The following NID2 variants were observed in gnomAD, a reference collection of about 807,000 sequenced individuals.
The protein encoded by NID2 is nidogen-2.
In NID2, 83 loss-of-function variants were observed where a neutral mutation model predicts 145.4. The observed-to-expected ratio is 0.57, with a 90% CI of 0.48 to 0.69. NID2 has a LOEUF of 0.69. NID2 is among the 30% of genes least tolerant of loss of function. NID2 has a pLI of 0.00. For synonymous variants in NID2, 739 were observed against 701.3 expected (o/e 1.05, Z -0.85); for missense variants, 1,807 against 1,765.7 (o/e 1.02, Z -0.42).
At chr14:52,057,723 AAAAAG>A (rs1264947429) in intron 3 of NID2, among the ~76,000 whole-genome samples, 32 of 110,500 alleles carry the variant, frequency 2.9e-4, no homozygotes, top group African/African-American at 7.1e-4. Flanking sequence ...AAAAAAAAAA[AAAAAG>A]AAAAGAAAAA....
intron 10 of NID2, 150 bp from the exon 11 acceptor site, chr14:52,029,000 C>T: frequency 1.5e-6 from 1 of 652,686 alleles, no homozygotes; most frequent in South Asian, 2.8e-5. Flanking sequence ...GATATGAATG[C>T]ATGTTGCAGA....
Position 52,016,983 on chromosome 14 carries a change from G to A in NID2, c.3029-1708C>T, listed in dbSNP as rs554311265. Among the ~76,000 whole-genome samples, 19 of 152,332 alleles carry A rather than the reference G, an allele frequency of 1.2e-4. No individual in the cohort carries two copies. The South Asian group carries it at 3.5e-3, about 28-fold the overall frequency. ...TCACTGTAGCTCATGACCCATGGGA[G>A]ACAAAGCTCTTTTTAAGACCCCGTG... On this transcript the variant is annotated intron_variant, in intron 14 of 21. Transcript: ENST00000216286.
chr14:52,029,620 G>A lies in NID2; in HGVS notation c.2328C>T (p.Cys776=). 1 of 1,614,024 alleles carries A rather than the reference G, an allele frequency of 6.2e-7. No homozygotes were observed. Among genetic ancestry groups the A allele is most frequent in the Admixed American group, 1.7e-5 (1 of 60,024 alleles). The change falls in exon 10 of 22, where the codon TGC becomes TGT. Residue 776 remains cysteine, a synonymous_variant. Transcript: ENST00000216286. The part of the protein sequence containing the change: ...GSHMCDTTAR[C]HPGTGVDYTC... ...TGTAATCTACACCTGTCCCTGGATG[G>A]CACCGTGCTGTTGTGTCACACATGT...
intron 5 of NID2, among the ~76,000 whole-genome samples, chr14:52,052,736 C>A (rs1295566953): frequency 3.9e-5 from 6 of 152,182 alleles, no homozygotes; most frequent in African/African-American, 1.4e-4. Flanking sequence ...AGATTCAGAA[C>A]AAAGCAGTCA....
chr14:52,066,367 G>C (rs1440029462), intron 2 of NID2, among the ~76,000 whole-genome samples: 1 of 151,712 alleles, frequency 6.6e-6, no homozygotes, highest in Non-Finnish European at 1.5e-5. Flanking sequence ...CCATTTGATA[G>C]CACAACAGGG....
intron 13 of NID2, among the ~76,000 whole-genome samples, chr14:52,019,560 G>T (rs540346043): frequency 1.2e-4 from 19 of 152,254 alleles, no homozygotes; most frequent in African/African-American, 4.3e-4. Context: ...GGTGGCATCT[G>T]CCCAACATCC....
In NID2 at chr14:52,042,872, G is replaced by A. The variant is rs753969700; in HGVS notation, c.1489C>T (p.Arg497Trp). 2.2e-5 allele frequency: 35 copies of A among 1,614,138 alleles called. No individual in the cohort carries two copies. The highest frequency in any genetic ancestry group is 3.3e-4 in the Middle Eastern group (2 of 6,060). ...TCEHNHRQCSRHAFCTDYATG... is the reference protein window; with the variant it reads ...TCEHNHRQCSWHAFCTDYATG... The stretch of plus-strand genomic sequence containing the variant: ...GCATAGTCCGTGCAGAAGGCATGCC[G>A]GGAGCATTGTCTGTGGTTGTGTTCA... Residue 497 changes from arginine (R) to tryptophan (W), a missense_variant, in exon 6 of 22, where the codon CGG (arginine) becomes TGG (tryptophan). Coordinates refer to ENST00000216286, the MANE Select transcript of NID2 (RefSeq NM_007361.4).
chr14:52,061,390 A>C (rs141141032), intron 2 of NID2, among the ~76,000 whole-genome samples: 242 of 152,310 alleles, frequency 1.6e-3, no homozygotes, highest in African/African-American at 5.5e-3. Flanking sequence ...ACACTAATTC[A>C]AACAGCCAAG....
At chr14:52,025,234 G>A (rs998342581) in intron 12 of NID2, among the ~76,000 whole-genome samples, 16 of 152,184 alleles carry the variant, frequency 1.1e-4, no homozygotes, top group African/African-American at 3.9e-4. Context: ...TACCTGTAGA[G>A]GGTATCTGTA....
intron 3 of NID2, among the ~76,000 whole-genome samples, chr14:52,058,892 G>T (rs1337961668): frequency 2.6e-5 from 4 of 151,848 alleles, no homozygotes; most frequent in Non-Finnish European, 4.4e-5. Flanking sequence ...GGAACCAGAG[G>T]AGGGAGAGTA....
intron 5 of NID2, among the ~76,000 whole-genome samples, chr14:52,050,592 G>C (rs1057250196): frequency 2.6e-5 from 4 of 151,542 alleles, no homozygotes; most frequent in African/African-American, 4.8e-5. Flanking sequence ...AAATGGGAAG[G>C]ATGATTGTAC....
chr14:52,017,825 TAAAAAAACA>T (rs1458317443), intron 14 of NID2, among the ~76,000 whole-genome samples: 2 of 149,734 alleles, frequency 1.3e-5, no homozygotes, highest in African/African-American at 2.5e-5. Context: ...GACCTTTTTT[TAAAAAAACA>T]AAAAAAACAG....
intron 16 of NID2, among the ~76,000 whole-genome samples, chr14:52,013,690 G>A (rs1891111462): frequency 6.6e-6 from 1 of 152,048 alleles, no homozygotes; most frequent in Non-Finnish European, 1.5e-5. Flanking sequence ...GGCTCAGGAA[G>A]CATCAAACAT....
At chr14:52,030,497 GAAAGAGAAAGAAAGAAAGA>G (rs1566755283) in intron 9 of NID2, among the ~76,000 whole-genome samples, 1,486 of 38,132 alleles carry the variant, frequency 0.039, 19 homozygotes, top group Middle Eastern at 0.057. Context: ...AAGAAAGAAA[GAAAGAGAAAGAAAGAAAGA>G]AAAGAAAGAA....
intron 16 of NID2, among the ~76,000 whole-genome samples, chr14:52,013,337 C>A (rs1040825510): frequency 6.6e-6 from 1 of 152,180 alleles, no homozygotes; most frequent in East Asian, 1.9e-4. Context: ...TCTACCTCTT[C>A]CAGAGAAAGT....
chr14:52,068,123 C>G lies in NID2; in HGVS notation c.269G>C (p.Arg90Thr). The part of the protein sequence containing the change: ...NGIISTQDFP[R>T]ETQYVDYDFP... ...ATCATAGTCCACATACTGCGTTTCC[C>G]TGGGGAAGTCCTGAGTGGAGATGAT... The change falls in exon 2 of 22, where the codon AGG (arginine) becomes ACG (threonine). Residue 90 changes from arginine to threonine, a missense_variant. Coordinates refer to ENST00000216286, the MANE Select transcript of NID2 (RefSeq NM_007361.4). The G allele has an allele frequency of 6.2e-7, 1 of 1,613,392 alleles. No homozygotes were observed.
Position 52,060,346 on chromosome 14 carries a change from A to G in NID2, c.545T>C (p.Phe182Ser). 6.5e-7 allele frequency: 1 copy of G among 1,544,082 alleles called. No homozygotes were observed. ...CCCATCAGATGCCAAAACTGCCTGG[A>G]AAGTGTTCAGCTGTGAGGAAAAAAA... ...GALPSGELNTFQAVLASDGSD... is the reference protein window; with the variant it reads ...GALPSGELNTSQAVLASDGSD... The change falls in exon 3 of 22, where the codon TTC becomes TCC. Residue 182 changes from phenylalanine to serine, a missense_variant. Coordinates refer to ENST00000216286, the MANE Select transcript of NID2 (RefSeq NM_007361.4).
At chr14:52,035,504 G>A (rs1892027274) in intron 9 of NID2, among the ~76,000 whole-genome samples, 1 of 152,082 alleles carries the variant, frequency 6.6e-6, no homozygotes, top group Non-Finnish European at 1.5e-5. Flanking sequence ...ATTAAAATTT[G>A]AGAACCACTG....
At chr14:52,040,983 G>A (rs1324657267) in intron 7 of NID2, 132 bp from the exon 8 acceptor site, 1 of 751,692 alleles carries the variant, frequency 1.3e-6, no homozygotes, top group Non-Finnish European at 2.3e-6. Flanking sequence ...ATATCTGAGA[G>A]TAAGCACTAT....
Sources: allele counts gnomAD v4.1 joint callset (sites outside exome capture counted in the v4.1 genomes callset), GRCh38; gene constraint gnomAD v4.1.1; transcripts MANE v1.5; gene names NCBI Gene and HGNC (gene_info 2026-07-23, HGNC 2026-07-21).